DBH: variants seen among roughly 807,000 people sequenced by gnomAD.
DBH encodes dopamine beta-hydroxylase (dopamine beta-monooxygenase).
DBH carries 49 observed loss-of-function variants against 64.0 expected under a neutral mutation model. That is an observed-to-expected ratio of 0.77 (90% confidence interval 0.61 to 0.97). The LOEUF is 0.97. DBH is among the 50% of genes least tolerant of loss of function. DBH has a pLI of 0.00. For missense variants in DBH, 828 were observed against 826.6 expected (o/e 1.00, Z -0.02); for synonymous variants, 343 against 347.1 (o/e 0.99, Z 0.13).
intron 11 of DBH, 63 bp downstream of exon 11, chr9:133,657,292 A>G: frequency 6.3e-7 from 1 of 1,598,090 alleles, no homozygotes; most frequent in Non-Finnish European, 8.5e-7. Flanking sequence ...GGCCCCAGTG[A>G]GGGGTGATGG....
rs1832270718 is a variant in DBH at position 133,653,015 on chromosome 9, T to G, written c.1434+16T>G. 1 of 1,602,758 alleles carries G rather than the reference T, an allele frequency of 6.2e-7. No homozygotes were observed. Among genetic ancestry groups the G allele is most frequent in the South Asian group, 1.1e-5 (1 of 90,830 alleles). ...GGCCACAGTGGTAAGTCACCCCCGCTTCCCCCTGCACCTGCCCAGGGCGAG... is the reference window on the plus strand; with the variant it reads ...GGCCACAGTGGTAAGTCACCCCCGCGTCCCCCTGCACCTGCCCAGGGCGAG... On this transcript the variant is annotated intron_variant, in intron 9 of 11. Transcript: ENST00000393056.
Position 133,656,929 on chromosome 9 carries a change from G to A in DBH, c.1563-141G>A, listed in dbSNP as rs1233162861. ...AAGGCAGCATCTGGGGTGGCCTGGC[G>A]GAGGCAGCGGGGCTGGGGAGGAGGT... is the stretch of plus-strand genomic sequence containing the variant. On this transcript the variant is annotated intron_variant, in intron 10 of 11. Coordinates refer to ENST00000393056, the MANE Select transcript of DBH (RefSeq NM_000787.4). 2.6e-5 allele frequency: 27 copies of A among 1,037,940 alleles called. No individual in the cohort carries two copies. In the East Asian group the frequency reaches 3.1e-4, roughly 12 times the overall value. The allele number at this position is 1,037,940 out of a possible 1,614,324, so 64.3% of individuals were successfully genotyped here.
chr9:133,656,393 C>A, intron 9 of DBH, 130 bp from the exon 10 acceptor site: 1 of 1,320,282 alleles, frequency 7.6e-7, no homozygotes, highest in Non-Finnish European at 1.1e-6. Flanking sequence ...CTCGGTTCCC[C>A]AGAGCATGCC....
At chr9:133,658,151 A>AGGTGAGGAC (rs1243293080) in intron 11 of DBH, among the ~76,000 whole-genome samples, 165 bp from the exon 12 acceptor site, 1 of 151,976 alleles carries the variant, frequency 6.6e-6, no homozygotes, top group Non-Finnish European at 1.5e-5. Context: ...GCATTTACTG[A>AGGTGAGGAC]GGTGAGGACC....
intron 9 of DBH, chr9:133,654,446 C>T (rs1564214158): frequency 6.6e-6 from 1 of 152,242 alleles, no homozygotes; most frequent in Non-Finnish European, 1.5e-5. Context: ...ACCAAAGTCA[C>T]ACAGCTGATA....
intron 11 of DBH, chr9:133,657,445 GAGAGAGGA>G: frequency 3.8e-6 from 2 of 524,020 alleles, no homozygotes; most frequent in South Asian, 2.0e-5. Flanking sequence ...AGAGAGAGGA[GAGAGAGGA>G]GAGAGGGAGA....
At chr9:133,640,482 C>G (rs988177923) in intron 2 of DBH, among the ~76,000 whole-genome samples, 1 of 152,356 alleles carries the variant, frequency 6.6e-6, no homozygotes, top group Non-Finnish European at 1.5e-5. Flanking sequence ...TCTGTATGGC[C>G]TGACCAACTC....
chr9:133,654,389 GTATTTTCACA>G (rs1832288680), intron 9 of DBH, among the ~76,000 whole-genome samples: 2 of 152,202 alleles, frequency 1.3e-5, no homozygotes, highest in African/African-American at 4.8e-5. Context: ...GCCAGTGTTT[GTATTTTCACA>G]GGTGAGACAT....
rs890753436 is a variant in DBH at position 133,643,748 on chromosome 9, G to C, written c.921+159G>C. ...GGGCCAGGCCTGAGGTGGCCCCCTCGCCTCTGTGATGTCTGAAATGCTTCA... is the reference window on the plus strand; with the variant it reads ...GGGCCAGGCCTGAGGTGGCCCCCTCCCCTCTGTGATGTCTGAAATGCTTCA... On this transcript the variant is annotated intron_variant, in intron 4 of 11. Coordinates refer to ENST00000393056, the MANE Select transcript of DBH (RefSeq NM_000787.4). The surrounding 1 kb of genome is among the most constrained non-coding windows in gnomAD (Gnocchi z 5.3). Among the ~76,000 whole-genome samples the C allele has an allele frequency of 1.3e-5, 2 of 152,202 alleles. No homozygotes were observed. The highest frequency in any genetic ancestry group is 2.9e-5 in the Non-Finnish European group (2 of 68,026).
At chr9:133,649,439 T>C (rs919256638) in intron 6 of DBH, among the ~76,000 whole-genome samples, 5 of 152,204 alleles carry the variant, frequency 3.3e-5, no homozygotes, top group African/African-American at 4.8e-5. Flanking sequence ...TACCAGTCTG[T>C]CTGACTTTGA....
In DBH at chr9:133,656,547, ATG is replaced by A. The variant is rs1832322292; in HGVS notation, c.1465_1466del (p.Val489GlnfsTer87). 8 of 1,613,758 alleles carry A rather than the reference ATG, an allele frequency of 5.0e-6. No individual in the cohort carries two copies. Among genetic ancestry groups the A allele is most frequent in the South Asian group, 1.1e-5 (1 of 91,074 alleles). On this transcript the variant is annotated frameshift_variant, in exon 10 of 12. Coordinates refer to ENST00000393056, the MANE Select transcript of DBH (RefSeq NM_000787.4). LOFTEE classifies it high-confidence loss of function. ...TVGGFGILEEMCVNYVHYYPQ... is the reference protein window; with the variant it reads ...TVGGFGILEEXCVNYVHYYPQ... Reference sequence around the variant, plus strand: ...GGGGGGCTTCGGGATCCTGGAGGAGATGTGTGTCAACTACGTGCACTACTACC... The same window carrying A: ...GGGGGGCTTCGGGATCCTGGAGGAGATGTGTCAACTACGTGCACTACTACC...
chr9:133,643,276 C>G lies in DBH; in HGVS notation c.745-137C>G. The G allele has an allele frequency of 1.1e-6, 1 of 903,214 alleles. No individual in the cohort carries two copies. The highest frequency in any genetic ancestry group is 1.8e-6 in the Non-Finnish European group (1 of 567,912). 55.9% of individuals were successfully genotyped at this position (903,214 alleles called of 1,614,324 possible). A position where few individuals can be genotyped will look rare whatever the true frequency, so the allele number is the denominator to read the frequency against. ...TGGCTCCACCCTCAAGGCTGTGAAC[C>G]CCAGAAGTGCCCCTGAAATTGTCTG... On this transcript the variant is annotated intron_variant, in intron 3 of 11. Transcript: ENST00000393056. The surrounding 1 kb of genome is among the most constrained non-coding windows in gnomAD (Gnocchi z 5.3).
rs2131284895 is a variant in DBH, at chr9:133,642,359, C to T, written c.639C>T (p.Thr213=). 1 of 1,614,144 alleles carries T rather than the reference C, an allele frequency of 6.2e-7. No homozygotes were observed. The change falls in exon 3 of 12, where the codon ACC becomes ACT. Residue 213 remains threonine, a synonymous_variant. Transcript: ENST00000393056. ...CGGAGTTGCCCTCAGACGCGTGCAC[C>T]ATGGAGGTCCAAGCTCCCAATATCC... ...PEPELPSDAC[T]MEVQAPNIQI... is the part of the protein sequence containing the mutation.
At chr9:133,650,426 TTTCTTTCC>T (rs994274413) in intron 6 of DBH, among the ~76,000 whole-genome samples, 19 of 150,486 alleles carry the variant, frequency 1.3e-4, no homozygotes, top group East Asian at 1.9e-4. Context: ...GACGTGTTCT[TTTCTTTCC>T]TTCTTTCCTT....
At position 133,657,195 on chromosome 9, in the gene DBH, T is replaced by G. The variant is rs201973877; in HGVS notation, c.1688T>G (p.Met563Arg). The G allele has an allele frequency of 1.2e-6, 2 of 1,614,108 alleles. No individual in the cohort carries two copies. The highest frequency in any genetic ancestry group is 1.7e-6 in the Non-Finnish European group (2 of 1,180,020). ...CTGTACAGCTTCGCGCCCATCTCCA[T>G]GCACTGCAACAAGTCCTCAGCCGTC... ...KALYSFAPIS[M>R]HCNKSSAVRF... Residue 563 changes from methionine to arginine, a missense_variant, in exon 11 of 12, where the codon ATG becomes AGG. Transcript: ENST00000393056.
intron 5 of DBH, among the ~76,000 whole-genome samples, chr9:133,645,973 G>C (rs1832176460): frequency 6.6e-6 from 1 of 152,086 alleles, no homozygotes; most frequent in South Asian, 2.1e-4. Flanking sequence ...CTCTTGGTTT[G>C]ATCAGAAAGG....
At chr9:133,657,385 G>T in intron 11 of DBH, 156 bp downstream of exon 11, 1 of 738,438 alleles carries the variant, frequency 1.4e-6, no homozygotes, top group East Asian at 3.2e-5. Context: ...GGCCTAGACA[G>T]CCAGCCAGCC....
Position 133,642,428 on chromosome 9 carries a change from G to GCT in DBH, c.709_710dup (p.Pro238PhefsTer51). 6.2e-7 allele frequency: 1 copy of GCT among 1,613,178 alleles called. No individual in the cohort carries two copies. Among genetic ancestry groups the GCT allele is most frequent in the Non-Finnish European group, 8.5e-7 (1 of 1,179,594 alleles). ...CCACGTACTGGTGCTACATTAAGGAGCTTCCAAAGGGCTTCTCTCGGCACC... is the reference window on the plus strand; with the variant it reads ...CCACGTACTGGTGCTACATTAAGGAGCTCTTCCAAAGGGCTTCTCTCGGCACC... On this transcript the variant is annotated frameshift_variant, in exon 3 of 12. Transcript: ENST00000393056. LOFTEE classifies it high-confidence loss of function.
rs1342070578 is a variant in DBH, at chr9:133,639,870, C to A, written c.364C>A (p.Gln122Lys). ...GGACGCCTGGAGTGACCAGAAGGGG[C>A]AGATCCACCTGGATCCCCAGCAGGA... ...FADAWSDQKG[Q>K]IHLDPQQDYQ... is the part of the protein sequence containing the mutation. Residue 122 changes from glutamine to lysine, a missense_variant, in exon 2 of 12, where the codon CAG becomes AAG. Coordinates refer to ENST00000393056, the MANE Select transcript of DBH (RefSeq NM_000787.4). The A allele has an allele frequency of 6.2e-7, 1 of 1,612,152 alleles. No individual in the cohort carries two copies. The highest frequency in any genetic ancestry group is 8.5e-7 in the Non-Finnish European group (1 of 1,179,444).
Sources: gnomAD v4.1 joint callset for allele counts (sites outside exome capture counted in the v4.1 genomes callset) on GRCh38, gnomAD v4.1.1 for gene constraint, Gnocchi (gnomAD v3.1) non-coding constraint, MANE v1.5 for transcripts, NCBI Gene and HGNC (gene_info 2026-07-23, HGNC 2026-07-21) for gene names.